SUCO: variants seen among roughly 807,000 people sequenced by gnomAD.
SUCO encodes the protein SUN domain containing ossification factor, also known as SUN domain-containing ossification factor.
In SUCO, 57 loss-of-function variants were observed where a neutral mutation model predicts 148.1. The observed-to-expected ratio is 0.38, with a 90% CI of 0.31 to 0.48. The LOEUF (loss-of-function observed/expected upper bound fraction) is 0.48. Among genes scored for constraint, SUCO ranks in the 20% least tolerant of loss-of-function variants. The probability of loss-of-function intolerance (pLI) is 0.96; values close to 1 mark genes in which losing one functional copy is unlikely to be tolerated. For synonymous variants in SUCO, 470 were observed against 502.7 expected (o/e 0.93, Z 0.87); for missense variants, 1,331 against 1,468.2 (o/e 0.91, Z 1.53).
chr1:172,605,699 A>G (rs766229368), intron 22 of SUCO, among the ~76,000 whole-genome samples: 1 of 151,860 alleles, frequency 6.6e-6, no homozygotes, highest in Non-Finnish European at 1.5e-5. Flanking sequence ...GTGTCGTTTT[A>G]CTAGTTCACT....
At position 172,588,837 on chromosome 1, in the gene SUCO, A is replaced by C; in HGVS notation, c.1736A>C (p.Gln579Pro). Residue 579 changes from glutamine to proline, a missense_variant, in exon 18 of 24, where the codon CAG (glutamine) becomes CCG (proline). By Grantham distance (76) the Gln-to-Pro change is moderately conservative. Transcript: ENST00000263688. ...PDTPKESPIV[Q>P]LVQEEEEEAS... ...ACTCCAAAAGAGAGTCCCATTGTAC[A>C]GTTAGTTCAAGAGGAGGAAGAGGAG... is the stretch of plus-strand genomic sequence containing the variant. 6.2e-7 allele frequency: 1 copy of C among 1,611,366 alleles called. No individual in the cohort carries two copies. The highest frequency in any genetic ancestry group is 8.5e-7 in the Non-Finnish European group (1 of 1,178,710).
rs139657997 is a variant in SUCO, at chr1:172,588,961, G to A, written c.1860G>A (p.Leu620=). ...ESETQIFCSE[L]TTICCISSFS... The stretch of plus-strand genomic sequence containing the variant: ...AGACACAAATATTTTGCAGTGAACT[G>A]ACCACAATTTGTTGTATTTCTAGTT... The change falls in exon 18 of 24, where the codon CTG becomes CTA. Residue 620 remains leucine (L), a synonymous_variant. Coordinates refer to ENST00000263688, the MANE Select transcript of SUCO (RefSeq NM_014283.5). 6.2e-7 allele frequency: 1 copy of A among 1,610,532 alleles called. No homozygotes were observed. Among genetic ancestry groups the A allele is most frequent in the African/African-American group, 1.3e-5 (1 of 74,950 alleles).
At position 172,610,483 on chromosome 1, in the gene SUCO, T is replaced by C; in HGVS notation, c.*224T>C. 1.9e-6 allele frequency: 1 copy of C among 518,682 alleles called. No homozygotes were observed. The highest frequency in any genetic ancestry group is 3.0e-6 in the Non-Finnish European group (1 of 338,568). 32.1% of individuals were successfully genotyped at this position (518,682 alleles called of 1,614,324 possible). ...TTCCTATAAGGACAATGGTAGACAT[T>C]TTATAAAGATGTTTTTTCACAAGAT... On this transcript the variant is annotated 3_prime_UTR_variant, in exon 24 of 24. Transcript: ENST00000263688.
chr1:172,586,010 TA>T, intron 17 of SUCO, 62 bp downstream of exon 17: 34 of 1,059,180 alleles, frequency 3.2e-5, no homozygotes, highest in South Asian at 9.8e-5. Flanking sequence ...TATATTAGTA[TA>T]AAAAAAGGAA....
At chr1:172,537,131 A>C (rs745381254) in intron 1 of SUCO, among the ~76,000 whole-genome samples, 5 of 152,194 alleles carry the variant, frequency 3.3e-5, no homozygotes, top group Non-Finnish European at 5.9e-5. Context: ...GAGGAAAAAA[A>C]CATAATTAGT....
chr1:172,565,841 A>G (rs946101503), intron 6 of SUCO, among the ~76,000 whole-genome samples: 26 of 152,248 alleles, frequency 1.7e-4, no homozygotes, highest in African/African-American at 6.0e-4. Flanking sequence ...GATGTGTTTC[A>G]GGGCACACTA....
chr1:172,571,592 G>A (rs1483629392), intron 9 of SUCO, among the ~76,000 whole-genome samples: 1 of 143,160 alleles, frequency 7.0e-6, no homozygotes, highest in Non-Finnish European at 1.5e-5. Context: ...CTGCCCGGCC[G>A]CCATCCCATC....
chr1:172,556,845 C>A, intron 4 of SUCO: 1 of 842,042 alleles, frequency 1.2e-6, no homozygotes, highest in Non-Finnish European at 1.4e-6. Flanking sequence ...TTAAAAATGA[C>A]TGGTTAATGA....
chr1:172,568,305 T>TTGCCCCCC, intron 6 of SUCO: 3 of 905,994 alleles, frequency 3.3e-6, no homozygotes, highest in Non-Finnish European at 4.0e-6. Context: ...ATTCTTTGCT[T>TTGCCCCCC]CCCACCCACC....
chr1:172,557,514 T>G, intron 5 of SUCO, 97 bp downstream of exon 5: 10 of 1,528,084 alleles, frequency 6.5e-6, no homozygotes, highest in East Asian at 2.3e-5. Flanking sequence ...CCACTTTGAT[T>G]GAGAGAAAGC....
intron 1 of SUCO, among the ~76,000 whole-genome samples, chr1:172,537,388 A>G (rs74801057): frequency 0.066 from 10,088 of 152,222 alleles, 496 homozygotes; most frequent in Middle Eastern, 0.12. Context: ...GTCATAGTAT[A>G]GAAGAGGAAT....
chr1:172,544,227 T>C (rs1324105775), intron 1 of SUCO: 3 of 617,490 alleles, frequency 4.9e-6, no homozygotes, highest in Non-Finnish European at 6.1e-6. Context: ...AATTCTTTGT[T>C]GCCTAGTTTA....
rs1035900810 is a variant in SUCO at position 172,544,136 on chromosome 1, C to T, written c.63-7376C>T. 15 of 975,970 alleles carry T rather than the reference C, an allele frequency of 1.5e-5. 1 individual carries two copies. The highest frequency in any genetic ancestry group is 1.8e-5 in the African/African-American group (1 of 57,050). 60.5% of individuals were successfully genotyped at this position (975,970 alleles called of 1,614,324 possible). A position where few individuals can be genotyped will look rare whatever the true frequency, so the allele number is the denominator to read the frequency against. ...CAAAAACTACAATTTTCACTGATAA[C>T]TTTAACCATACTGCGCTAATTGAGT... On this transcript the variant is annotated intron_variant, in intron 1 of 23. Transcript: ENST00000263688.
Position 172,610,479 on chromosome 1 carries a change from A to C in SUCO, c.*220A>C, listed in dbSNP as rs1458968346. The C allele has an allele frequency of 1.9e-6, 1 of 538,534 alleles. No individual in the cohort carries two copies. Among genetic ancestry groups the C allele is most frequent in the African/African-American group, 2.0e-5 (1 of 50,674 alleles). The allele number at this position is 538,534 out of a possible 1,614,324, so 33.4% of individuals were successfully genotyped here. A position where few individuals can be genotyped will look rare whatever the true frequency, so the allele number is the denominator to read the frequency against. On this transcript the variant is annotated 3_prime_UTR_variant, in exon 24 of 24. Coordinates refer to ENST00000263688, the MANE Select transcript of SUCO (RefSeq NM_014283.5). ...TCACTTCCTATAAGGACAATGGTAG[A>C]CATTTTATAAAGATGTTTTTTCACA...
chr1:172,582,792 A>C (rs1655966474), intron 15 of SUCO, among the ~76,000 whole-genome samples: 1 of 152,174 alleles, frequency 6.6e-6, no homozygotes, highest in African/African-American at 2.4e-5. Context: ...TGGGCTGAGA[A>C]GAAATTTGCT....
chr1:172,552,197 T>C (rs1653355573), intron 2 of SUCO: 1 of 152,124 alleles, frequency 6.6e-6, no homozygotes, highest in African/African-American at 2.4e-5. Flanking sequence ...TTATTATTTA[T>C]GTCTCATTCC....
intron 15 of SUCO, among the ~76,000 whole-genome samples, chr1:172,582,990 A>G (rs1655980970): frequency 1.3e-5 from 2 of 152,134 alleles, no homozygotes; most frequent in African/African-American, 4.8e-5. Flanking sequence ...ATGAATGTCA[A>G]AAAATTCGAA....
At chr1:172,592,124 G>T (rs927724632) in intron 19 of SUCO, among the ~76,000 whole-genome samples, 22 of 152,154 alleles carry the variant, frequency 1.4e-4, no homozygotes, top group Admixed American at 1.4e-3. Context: ...TTTTGATGGG[G>T]TTGTTTGATT....
rs144177571 is a variant in SUCO, at chr1:172,596,669, G to A, written c.2914-3395G>A. ...AAAGCTTTGTCTCAGAGGGGCACCC[G>A]GCCCCATATGAGGTGTCAGTTGGCC... is the stretch of plus-strand genomic sequence containing the variant. On this transcript the variant is annotated intron_variant, in intron 19 of 23. Coordinates refer to ENST00000263688, the MANE Select transcript of SUCO (RefSeq NM_014283.5). Among the ~76,000 whole-genome samples, 127 of 152,254 alleles carry A rather than the reference G, an allele frequency of 8.3e-4. 2 individuals are homozygous for A. The East Asian group carries it at 0.02, about 24-fold the overall frequency.
Sources: allele counts gnomAD v4.1 joint callset (sites outside exome capture counted in the v4.1 genomes callset), GRCh38; gene constraint gnomAD v4.1.1; transcripts MANE v1.5; gene names NCBI Gene and HGNC (gene_info 2026-07-23, HGNC 2026-07-21).